Variants in ARHGEF10 observed in about 807,000 individuals in gnomAD.
The protein encoded by ARHGEF10 is Rho guanine nucleotide exchange factor 10.
In ARHGEF10, 140 loss-of-function variants were observed where a neutral mutation model predicts 147.4. The observed-to-expected ratio is 0.95, with a 90% confidence interval of 0.83 to 1.09. The LOEUF (loss-of-function observed/expected upper bound fraction) is 1.09, where lower values mean the gene tolerates loss of function less well. ARHGEF10 is among the 50% of genes least tolerant of loss of function. The pLI, the probability that ARHGEF10 is intolerant of heterozygous loss-of-function variation, is 0.00. For synonymous variants in ARHGEF10, 902 were observed against 695.8 expected, an observed-to-expected ratio of 1.30 and a Z score of -4.67; for missense variants, 2,222 against 1,752.7, an observed-to-expected ratio of 1.27 and a Z score of -4.78.
At chr8:1,934,093 G>T (rs145889439) in intron 26 of ARHGEF10, 151 bp downstream of exon 26, 126 of 1,025,426 alleles carry the variant, frequency 1.2e-4, no homozygotes, top group Non-Finnish European at 1.7e-4. Context: ...CCAACACTCT[G>T]GGAGGCCAAG....
chr8:1,862,175 C>T (rs1806184568), intron 4 of ARHGEF10, among the ~76,000 whole-genome samples: 1 of 152,236 alleles, frequency 6.6e-6, no homozygotes, highest in Non-Finnish European at 1.5e-5. Context: ...GCCCACACTT[C>T]CTGCCTGGTG....
chr8:1,894,668 A>ACACTTGTC, intron 13 of ARHGEF10, 96 bp downstream of exon 13: 3 of 1,392,236 alleles, frequency 2.2e-6, no homozygotes, highest in Non-Finnish European at 3.0e-6. Context: ...GATCTCCTGC[A>ACACTTGTC]AGCTGACAAG....
At chr8:1,837,855 T>G (rs11990922) in intron 1 of ARHGEF10, among the ~76,000 whole-genome samples, 10 of 151,910 alleles carry the variant, frequency 6.6e-5, no homozygotes, top group African/African-American at 2.4e-4. Context: ...GTTGAGAAAC[T>G]GAGGGATACC....
intron 1 of ARHGEF10, among the ~76,000 whole-genome samples, chr8:1,830,698 A>C (rs1803044448): frequency 6.6e-6 from 1 of 152,202 alleles, no homozygotes; most frequent in African/African-American, 2.4e-5. Context: ...GTCTTCAGGA[A>C]AGATGATTTA....
At chr8:1,939,748 G>T (rs778787005) in intron 26 of ARHGEF10, among the ~76,000 whole-genome samples, 1 of 152,236 alleles carries the variant, frequency 6.6e-6, no homozygotes, top group Non-Finnish European at 1.5e-5. Flanking sequence ...TGGAAGCAGA[G>T]GGTGGGTCTG....
chr8:1,920,173 T>C (rs953120685), intron 18 of ARHGEF10, among the ~76,000 whole-genome samples: 11 of 152,074 alleles, frequency 7.2e-5, no homozygotes, highest in African/African-American at 2.7e-4. Flanking sequence ...GCGGAGATGT[T>C]CACGTGCATT....
At chr8:1,908,375 C>A (rs1223633102) in intron 17 of ARHGEF10, among the ~76,000 whole-genome samples, 1 of 151,922 alleles carries the variant, frequency 6.6e-6, no homozygotes, top group African/African-American at 2.4e-5. Flanking sequence ...GGACTACAGG[C>A]ACCCACCACC....
chr8:1,844,239 G>T (rs1465752257), intron 2 of ARHGEF10, among the ~76,000 whole-genome samples: 3 of 152,296 alleles, frequency 2.0e-5, no homozygotes, highest in African/African-American at 4.8e-5. Flanking sequence ...TTGGTCGTCT[G>T]TGCCCCCCAA....
chr8:1,928,717 CTGT>C, intron 24 of ARHGEF10, 67 bp downstream of exon 24: 1 of 1,558,226 alleles, frequency 6.4e-7, no homozygotes, highest in Non-Finnish European at 8.8e-7. Flanking sequence ...GGTGGGGAGC[CTGT>C]CCTGGAAAGA....
rs1172654547 is a variant in ARHGEF10 at position 1,823,999 on chromosome 8, C to CGCGGGGGACG, written c.-155_-146dup. ...ACGGGGTCGCGGGGGACGCGGGGGA[C>CGCGGGGGACG]GCGGGGGACGGCGGGGAACGGCGGG... On this transcript the variant is annotated 5_prime_UTR_variant, in exon 1 of 29. Transcript: ENST00000349830. The CGCGGGGGACG allele has an allele frequency of 1.0e-3, 82 of 79,386 alleles. No homozygotes were observed. Among genetic ancestry groups the CGCGGGGGACG allele is most frequent in the East Asian group, 4.3e-3 (10 of 2,338 alleles). The allele number at this position is 79,386 out of a possible 1,614,324, so 4.9% of individuals were successfully genotyped here.
At chr8:1,884,425 A>C (rs1446924708) in intron 10 of ARHGEF10, among the ~76,000 whole-genome samples, 1 of 151,846 alleles carries the variant, frequency 6.6e-6, no homozygotes, top group Admixed American at 6.6e-5. Flanking sequence ...GCAAATCCCT[A>C]ACCTCCCAAC....
chr8:1,918,817 T>C (rs905681729), intron 18 of ARHGEF10, among the ~76,000 whole-genome samples: 4 of 152,218 alleles, frequency 2.6e-5, no homozygotes, highest in Admixed American at 1.3e-4. Flanking sequence ...GAGCTGCCTC[T>C]GTGGGTGATG....
At chr8:1,936,228 C>A (rs376055445) in intron 26 of ARHGEF10, among the ~76,000 whole-genome samples, 1 of 152,170 alleles carries the variant, frequency 6.6e-6, no homozygotes, top group Non-Finnish European at 1.5e-5. Context: ...TTAAAAATTC[C>A]TCTGGGCCGG....
rs577796733 is a variant in ARHGEF10, at chr8:1,909,460, C to T, written c.2133C>T (p.Asn711=). 8.7e-6 allele frequency: 14 copies of T among 1,613,936 alleles called. No individual in the cohort carries two copies. Among genetic ancestry groups the T allele is most frequent in the African/African-American group, 2.7e-5 (2 of 74,938 alleles). ...HPPESLAVVA[N]AKPNKVYMGP... ...CGGAGAGCCTGGCCGTGGTTGCTAA[C>T]GCGAAACCAAGTAAGTGATGCTTTC... The change falls in exon 18 of 29, where the codon AAC becomes AAT. Residue 711 remains asparagine, a synonymous_variant. Transcript: ENST00000349830.
chr8:1,870,766 G>A (rs1807043028), intron 7 of ARHGEF10: 1 of 152,076 alleles, frequency 6.6e-6, no homozygotes, highest in Non-Finnish European at 1.5e-5. Flanking sequence ...TACGCTGTTG[G>A]GGTGAGAGAT....
Position 1,896,514 on chromosome 8 carries a change from T to A in ARHGEF10, c.1557+65T>A, listed in dbSNP as rs375109882. ...TGATAACAAGTTACATGTCAAAGCTTGACTCTGAATGCAGTTATTCGTTAT... is the reference window on the plus strand; with the variant it reads ...TGATAACAAGTTACATGTCAAAGCTAGACTCTGAATGCAGTTATTCGTTAT... On this transcript the variant is annotated intron_variant, in intron 14 of 28. Coordinates refer to ENST00000349830, the MANE Select transcript of ARHGEF10 (RefSeq NM_014629.4). 12 of 1,085,036 alleles carry A rather than the reference T, an allele frequency of 1.1e-5. No individual in the cohort carries two copies. In the African/African-American group the frequency reaches 1.7e-4, roughly 15 times the overall value. The allele number at this position is 1,085,036 out of a possible 1,614,324, so 67.2% of individuals were successfully genotyped here.
At chr8:1,950,465 T>G (rs1814940827) in intron 27 of ARHGEF10, among the ~76,000 whole-genome samples, 7 of 152,218 alleles carry the variant, frequency 4.6e-5, no homozygotes. Flanking sequence ...CCTGGGTACT[T>G]TGAAACCAGT....
In ARHGEF10 at chr8:1,952,725, A is replaced by AAGGG; in HGVS notation, c.3418_3419insAGGG (p.Thr1140LysfsTer98). ...CCCAGGGCACCAGCGGCTGTCGGTG[A>AAGGG]CGAGCCTGCTCGTCTGCCACGGATT... On this transcript the variant is annotated frameshift_variant, in exon 28 of 29. Coordinates refer to ENST00000349830, the MANE Select transcript of ARHGEF10 (RefSeq NM_014629.4). LOFTEE classifies it high-confidence loss of function. The AAGGG allele has an allele frequency of 6.2e-7, 1 of 1,613,048 alleles. No individual in the cohort carries two copies.
intron 18 of ARHGEF10, among the ~76,000 whole-genome samples, chr8:1,917,874 A>G (rs545326177): frequency 6.6e-6 from 1 of 151,768 alleles, no homozygotes; most frequent in East Asian, 1.9e-4. Flanking sequence ...TCCTGGGTTC[A>G]GGTGATTCTC....
Sources: allele counts gnomAD v4.1 joint callset (sites outside exome capture counted in the v4.1 genomes callset), GRCh38; gene constraint gnomAD v4.1.1; transcripts MANE v1.5; gene names NCBI Gene and HGNC (gene_info 2026-07-23, HGNC 2026-07-21).